EXOC2: variants seen among roughly 807,000 people sequenced by gnomAD.
EXOC2 encodes SEC5-like 1.
EXOC2 carries 70 observed loss-of-function variants against 131.8 expected under a neutral mutation model. That is an observed-to-expected ratio of 0.53 (90% confidence interval 0.44 to 0.65). The LOEUF is 0.65. EXOC2 is among the 30% of genes least tolerant of loss of function. EXOC2 has a pLI of 0.00. For missense variants in EXOC2, 923 were observed against 1,108.6 expected (o/e 0.83, Z 2.38); for synonymous variants, 411 against 398.4 (o/e 1.03, Z -0.38).
intron 23 of EXOC2, among the ~76,000 whole-genome samples, chr6:500,270 A>T (rs1039741556): frequency 5.3e-5 from 8 of 152,170 alleles, no homozygotes; most frequent in African/African-American, 1.7e-4. Flanking sequence ...TTTAGGAGAA[A>T]CTCCTTATAA....
At chr6:632,053 G>A (rs1244593788) in intron 3 of EXOC2, among the ~76,000 whole-genome samples, 1 of 152,182 alleles carries the variant, frequency 6.6e-6, no homozygotes, top group Non-Finnish European at 1.5e-5. Context: ...TTTATCAAAT[G>A]CTGACCAGGT....
At chr6:612,265 A>G (rs527860909) in intron 6 of EXOC2, among the ~76,000 whole-genome samples, 3 of 152,308 alleles carry the variant, frequency 2.0e-5, no homozygotes, top group Admixed American at 1.3e-4. Flanking sequence ...TGTTTTTAGC[A>G]TGGGAAAACA....
At chr6:634,259 A>AT (rs1166974845) in intron 2 of EXOC2, among the ~76,000 whole-genome samples, 2 of 151,600 alleles carry the variant, frequency 1.3e-5, no homozygotes, top group Non-Finnish European at 2.9e-5. Context: ...TTGTTTTTGT[A>AT]TTTTTTTTAG....
rs183240346 is a variant in EXOC2, at chr6:672,313, T to C, written c.-44+20706A>G. 3.9e-5 allele frequency among the ~76,000 whole-genome samples: 6 copies of C among 152,352 alleles called. No homozygotes were observed. In the East Asian group the frequency reaches 1.2e-3, roughly 29 times the overall value. ...GTTTCCATCTCTCTGTGCACATTAC[T>C]TATCTGCTGCATGTTCCCCACTTTT... On this transcript the variant is annotated intron_variant, in intron 1 of 27. Transcript: ENST00000230449.
intron 6 of EXOC2, among the ~76,000 whole-genome samples, chr6:614,948 A>AT (rs5873761): frequency 0.93 from 141,806 of 152,066 alleles, 66,175 homozygotes; most frequent in East Asian, 1. Flanking sequence ...GAAAATTACA[A>AT]TACACATTTT....
chr6:562,179 T>TC lies in EXOC2; in HGVS notation c.1851+604dup, dbSNP rs1358177029. Among the ~76,000 whole-genome samples the TC allele has an allele frequency of 5.9e-5, 9 of 151,888 alleles. No homozygotes were observed. The East Asian group carries it at 1.4e-3, about 23-fold the overall frequency. On this transcript the variant is annotated intron_variant, in intron 17 of 27. Coordinates refer to ENST00000230449, the MANE Select transcript of EXOC2 (RefSeq NM_018303.6). ...GCCAGGCTGCTGTGAGAGACAGAAG[T>TC]CCCCCCCTGGTGAAAGCCACTGGGA...
chr6:557,704 C>G (rs1757495000), intron 17 of EXOC2, among the ~76,000 whole-genome samples: 1 of 151,330 alleles, frequency 6.6e-6, no homozygotes, highest in Admixed American at 6.6e-5. Context: ...TCATAGAAGG[C>G]CCCCAAGACT....
At chr6:556,383 G>C in intron 18 of EXOC2, 101 bp downstream of exon 18, 1 of 1,188,978 alleles carries the variant, frequency 8.4e-7, no homozygotes, top group Non-Finnish European at 1.2e-6. Context: ...AGCAGGCGAA[G>C]AGGGAGAAAA....
intron 27 of EXOC2, among the ~76,000 whole-genome samples, chr6:487,771 G>T (rs1481112597): frequency 6.6e-6 from 1 of 152,196 alleles, no homozygotes; most frequent in African/African-American, 2.4e-5. Flanking sequence ...CAGCAACCAA[G>T]AACTGGGTTT....
At chr6:684,540 A>G (rs1764556517) in intron 1 of EXOC2, among the ~76,000 whole-genome samples, 1 of 152,224 alleles carries the variant, frequency 6.6e-6, no homozygotes, top group African/African-American at 2.4e-5. Context: ...CCTTATAGAT[A>G]TACTATATTA....
chr6:643,387 C>T (rs953376149), intron 1 of EXOC2, among the ~76,000 whole-genome samples: 1 of 151,996 alleles, frequency 6.6e-6, no homozygotes, highest in Non-Finnish European at 1.5e-5. Flanking sequence ...AAGGAATCTT[C>T]GTTAGCAATA....
intron 11 of EXOC2, among the ~76,000 whole-genome samples, chr6:582,903 A>G (rs989487475): frequency 2.6e-5 from 4 of 152,174 alleles, no homozygotes; most frequent in African/African-American, 4.8e-5. Context: ...AGCTCCAGGC[A>G]GCATTTCGGA....
At chr6:678,473 T>G (rs1269146340) in intron 1 of EXOC2, among the ~76,000 whole-genome samples, 1 of 152,238 alleles carries the variant, frequency 6.6e-6, no homozygotes, top group Admixed American at 6.5e-5. Context: ...GTGGGCCAGG[T>G]GCGTCATTAG....
chr6:590,062 C>T (rs1487165893), intron 11 of EXOC2, among the ~76,000 whole-genome samples: 1 of 150,688 alleles, frequency 6.6e-6, no homozygotes, highest in Non-Finnish European at 1.5e-5. Context: ...TTGCAGTGAG[C>T]TGAGATCGAG....
chr6:683,501 G>A (rs900833191), intron 1 of EXOC2, among the ~76,000 whole-genome samples: 6 of 152,120 alleles, frequency 3.9e-5, no homozygotes, highest in Admixed American at 1.3e-4. Context: ...CAATATCACC[G>A]CTGACAAATA....
Position 658,667 on chromosome 6 carries a change from T to TATATTTTATATATATATATATATATATA in EXOC2, c.-43-20807_-43-20806insTATATATATATATATATATATAAAATAT, listed in dbSNP as rs1561983437. 8.7e-3 allele frequency among the ~76,000 whole-genome samples: 563 copies of TATATTTTATATATATATATATATATATA among 64,762 alleles called. 4 individuals carry two copies. The highest frequency in any genetic ancestry group is 0.026 in the African/African-American group (516 of 19,760). 42.5% of individuals were successfully genotyped at this position (64,762 alleles called of 152,430 possible). On this transcript the variant is annotated intron_variant, in intron 1 of 27. Transcript: ENST00000230449. ...ATTTTATATATATATATATATATAT[T>TATATTTTATATATATATATATATATATA]TTTTTTTTTTTTAGACGAAGTCTTG... is the stretch of plus-strand genomic sequence containing the variant.
At chr6:522,195 A>G (rs559084436) in intron 23 of EXOC2, among the ~76,000 whole-genome samples, 79 of 152,340 alleles carry the variant, frequency 5.2e-4, no homozygotes, top group African/African-American at 1.9e-3. Context: ...GTGTGTGGTG[A>G]GCACTGTGAG....
chr6:663,618 C>T (rs1257148576), intron 1 of EXOC2, among the ~76,000 whole-genome samples: 1 of 152,160 alleles, frequency 6.6e-6, no homozygotes, highest in Non-Finnish European at 1.5e-5. Flanking sequence ...ACCAGGGATG[C>T]AGGGGTAGTT....
At chr6:663,394 A>G (rs972644789) in intron 1 of EXOC2, among the ~76,000 whole-genome samples, 6 of 152,170 alleles carry the variant, frequency 3.9e-5, no homozygotes, top group South Asian at 2.1e-4. Flanking sequence ...TCCTTTTGAC[A>G]CTATTCCACA....
Sources: allele counts gnomAD v4.1 joint callset (sites outside exome capture counted in the v4.1 genomes callset), GRCh38; gene constraint gnomAD v4.1.1; transcripts MANE v1.5; gene names NCBI Gene and HGNC (gene_info 2026-07-23, HGNC 2026-07-21).